Variants in SLC35F5 observed in about 807,000 individuals in gnomAD.
SLC35F5 encodes solute carrier family 35 member F5, also known as HCV NS5A-transactivated protein 3.
A neutral mutation model predicts 68.6 loss-of-function variants in SLC35F5; 54 were observed. The observed-to-expected ratio is 0.79, with a 90% CI of 0.63 to 0.99. The LOEUF (loss-of-function observed/expected upper bound fraction) is 0.99. Ranked by LOEUF, SLC35F5 falls within the 50% of genes least tolerant of loss-of-function variation. The probability of loss-of-function intolerance (pLI) is 0.00; values close to 1 mark genes in which losing one functional copy is unlikely to be tolerated. For synonymous variants in SLC35F5, 211 were observed against 205.2 expected (o/e 1.03, Z -0.24); for missense variants, 567 against 626.9 (o/e 0.90, Z 1.02).
Position 113,709,341 on chromosome 2 carries a change from G to A in SLC35F5, c.*5877C>T, listed in dbSNP as rs1312524977. ...CACACAGGTGTTTGGCATTGTCTCT[G>A]GAACTACAAAATTAAACTTTTAGAA... On this transcript the variant is annotated 3_prime_UTR_variant, in exon 16 of 16. Transcript: ENST00000245680. 6.6e-6 allele frequency among the ~76,000 whole-genome samples: 1 copy of A among 152,132 alleles called. No homozygotes were observed. Among genetic ancestry groups the A allele is most frequent in the African/African-American group, 2.4e-5 (1 of 41,414 alleles).
chr2:113,744,871 A>G (rs1373818861), intron 5 of SLC35F5, among the ~76,000 whole-genome samples: 1 of 152,232 alleles, frequency 6.6e-6, no homozygotes, highest in Non-Finnish European at 1.5e-5. Context: ...CCATATTTTT[A>G]GGTAGTTATA....
In SLC35F5 at chr2:113,755,106, G is replaced by C. The variant is rs1032255997; in HGVS notation, c.273+59C>G. On this transcript the variant is annotated intron_variant, in intron 3 of 15. Coordinates refer to ENST00000245680, the MANE Select transcript of SLC35F5 (RefSeq NM_025181.5). Reference sequence around the variant, plus strand: ...GATTGTAACGGCTAGAGTTACTACAGGTTAAGAGTTAACATTGTGGCTGTA... The same window carrying C: ...GATTGTAACGGCTAGAGTTACTACACGTTAAGAGTTAACATTGTGGCTGTA... The C allele has an allele frequency of 9.0e-6, 14 of 1,550,090 alleles. No individual in the cohort carries two copies. The African/African-American group carries it at 1.9e-4, about 21-fold the overall frequency.
intron 12 of SLC35F5, among the ~76,000 whole-genome samples, chr2:113,723,539 T>C (rs1687539056): frequency 6.6e-6 from 1 of 152,174 alleles, no homozygotes; most frequent in African/African-American, 2.4e-5. Flanking sequence ...GATTTGTAGA[T>C]AACAAAGAAA....
downstream of SLC35F5, among the ~76,000 whole-genome samples, chr2:113,704,673 CCGGCAGGG>C (rs1559295441): frequency 6.6e-6 from 1 of 151,944 alleles, no homozygotes; most frequent in African/African-American, 2.4e-5. Context: ...TTGCCCGGGG[CCGGCAGGG>C]CCTGCCGGCC....
Position 113,731,635 on chromosome 2 carries a change from C to T in SLC35F5, c.934G>A (p.Val312Ile), listed in dbSNP as rs1017056763. 9 of 1,612,848 alleles carry T rather than the reference C, an allele frequency of 5.6e-6. No homozygotes were observed. Residue 312 changes from valine to isoleucine, a missense_variant, in exon 10 of 16, where the codon GTA (valine) becomes ATA (isoleucine). Physicochemically the swap from Val to Ile is conservative, Grantham distance 29. Transcript: ENST00000245680. Reference sequence around the variant, plus strand: ...TCAGACCCTGCCAGGTTTACCAGTACAACGCCTCCAATGCTATGAGAATAA... The same window carrying T: ...TCAGACCCTGCCAGGTTTACCAGTATAACGCCTCCAATGCTATGAGAATAA... The part of the protein sequence containing the change: ...LAVILSIGGV[V>I]LVNLAGSEKP...
At chr2:113,753,005 G>A (rs1676805547) in intron 3 of SLC35F5, among the ~76,000 whole-genome samples, 2 of 152,002 alleles carry the variant, frequency 1.3e-5, no homozygotes, top group East Asian at 1.9e-4. Flanking sequence ...AAGTTTTGAG[G>A]AGAGGTTGAT....
At chr2:113,716,843 A>C (rs967240566) in intron 15 of SLC35F5, among the ~76,000 whole-genome samples, 3 of 152,178 alleles carry the variant, frequency 2.0e-5, no homozygotes, top group Non-Finnish European at 4.4e-5. Context: ...CAGCACACTA[A>C]AGAAAAACAG....
At chr2:113,715,543 C>T (rs1687146111) in intron 15 of SLC35F5, among the ~76,000 whole-genome samples, 1 of 152,138 alleles carries the variant, frequency 6.6e-6, no homozygotes, top group Non-Finnish European at 1.5e-5. Flanking sequence ...ACACAGCTCT[C>T]ACTTCTAAAA....
At chr2:113,703,800 T>C (rs7590375), downstream of SLC35F5, 75,477 of 151,964 alleles carry the variant, frequency 0.5, 19,307 homozygotes, top group Middle Eastern at 0.67. Flanking sequence ...ACTCCACAAT[T>C]GGCCTACCAT....
Position 113,714,705 on chromosome 2 carries a change from A to C in SLC35F5, c.*513T>G, listed in dbSNP as rs927284563. On this transcript the variant is annotated 3_prime_UTR_variant, in exon 16 of 16. Transcript: ENST00000245680. ...TTTGCACAAACATGCTTGTTGCATAAATTAAACATTTTTTGTGTGGTTAAT... is the reference window on the plus strand; with the variant it reads ...TTTGCACAAACATGCTTGTTGCATACATTAAACATTTTTTGTGTGGTTAAT... 1.3e-5 allele frequency: 2 copies of C among 152,182 alleles called. No homozygotes were observed. Among genetic ancestry groups the C allele is most frequent in the African/African-American group, 4.8e-5 (2 of 41,450 alleles). The allele number at this position is 152,182 out of a possible 1,614,324, so 9.4% of individuals were successfully genotyped here. A position where few individuals can be genotyped will look rare whatever the true frequency, so the allele number is the denominator to read the frequency against.
At chr2:113,735,738 C>G in intron 8 of SLC35F5, 39 bp downstream of exon 8, 1 of 1,361,946 alleles carries the variant, frequency 7.3e-7, no homozygotes, top group Non-Finnish European at 1.0e-6. Flanking sequence ...AATACATACA[C>G]TGATTTATAA....
At chr2:113,745,482 G>C (rs925510872) in intron 5 of SLC35F5, among the ~76,000 whole-genome samples, 13 of 152,194 alleles carry the variant, frequency 8.5e-5, no homozygotes, top group Admixed American at 7.9e-4. Flanking sequence ...ATTTTAAAGA[G>C]ATGCCACCCT....
At position 113,712,036 on chromosome 2, in the gene SLC35F5, G is replaced by GA. The variant is rs1193301715; in HGVS notation, c.*3181dup. On this transcript the variant is annotated 3_prime_UTR_variant, in exon 16 of 16. Coordinates refer to ENST00000245680, the MANE Select transcript of SLC35F5 (RefSeq NM_025181.5). ...GTCATACCTCAAATTGGCTCTGCAT[G>GA]ATTGATTTTACAGCGGGCATTAAAA... Among the ~76,000 whole-genome samples, 1 of 152,166 alleles carries GA rather than the reference G, an allele frequency of 6.6e-6. No homozygotes were observed. The highest frequency in any genetic ancestry group is 2.4e-5 in the African/African-American group (1 of 41,430).
intron 14 of SLC35F5, among the ~76,000 whole-genome samples, chr2:113,718,231 T>G (rs993349327): frequency 6.6e-6 from 1 of 152,048 alleles, no homozygotes; most frequent in Non-Finnish European, 1.5e-5. Flanking sequence ...ACTGCAGGTA[T>G]ATGCCATCAT....
chr2:113,728,990 C>T (rs975007614), intron 11 of SLC35F5, among the ~76,000 whole-genome samples: 8 of 152,146 alleles, frequency 5.3e-5, no homozygotes, highest in Admixed American at 3.3e-4. Context: ...ACATAGACTG[C>T]GACAGCATTA....
intron 12 of SLC35F5, 62 bp from the exon 13 acceptor site, chr2:113,723,256 C>G (rs1687523638): frequency 8.3e-7 from 1 of 1,204,316 alleles, no homozygotes; most frequent in African/African-American, 1.6e-5. Context: ...AAACACTGAA[C>G]AAAGACTTTC....
At chr2:113,731,180 TA>T (rs1687870479) in intron 10 of SLC35F5, among the ~76,000 whole-genome samples, 1 of 152,022 alleles carries the variant, frequency 6.6e-6, no homozygotes, top group African/African-American at 2.4e-5. Context: ...GTCAAGGTCA[TA>T]AAAGACAAGA....
chr2:113,753,162 G>GTT (rs143010470), intron 3 of SLC35F5, among the ~76,000 whole-genome samples: 41 of 50,540 alleles, frequency 8.1e-4, no homozygotes, highest in Middle Eastern at 0.013. Context: ...TCCAAAGTTT[G>GTT]TTTTTCTTTT....
At chr2:113,729,560 C>A in intron 10 of SLC35F5, 55 bp from the exon 11 acceptor site, 1 of 900,108 alleles carries the variant, frequency 1.1e-6, no homozygotes, top group Non-Finnish European at 1.8e-6. Flanking sequence ...TCAATATACG[C>A]TTAAAATCCA....
Sources: gnomAD v4.1 joint callset for allele counts (sites outside exome capture counted in the v4.1 genomes callset) on GRCh38, gnomAD v4.1.1 for gene constraint, MANE v1.5 for transcripts, NCBI Gene and HGNC (gene_info 2026-07-23, HGNC 2026-07-21) for gene names.